NXPE2: variants seen among roughly 807,000 people sequenced by gnomAD.
The protein encoded by NXPE2 is NXPE family member 2.
A neutral mutation model predicts 34.4 loss-of-function variants in NXPE2; 34 were observed. The observed-to-expected ratio is 0.99, with a 90% CI of 0.75 to 1.31. NXPE2 has a LOEUF of 1.31. Among genes scored for constraint, NXPE2 ranks in the 40% most tolerant of loss-of-function variants. NXPE2 has a pLI of 0.00. For synonymous variants in NXPE2, 235 were observed against 231.3 expected (o/e 1.02, Z -0.15); for missense variants, 649 against 672.5 (o/e 0.97, Z 0.39).
the NXPE2 span, among the ~76,000 whole-genome samples, chr11:114,743,911 T>A: frequency 1.3e-5 from 2 of 149,634 alleles, no homozygotes; most frequent in Non-Finnish European, 3.0e-5. Context: ...ATATGTATAT[T>A]TACACATATA....
intron 2 of NXPE2, among the ~76,000 whole-genome samples, chr11:114,684,229 C>A (rs1028059799): frequency 1.3e-5 from 2 of 151,960 alleles, no homozygotes; most frequent in Admixed American, 6.6e-5. Context: ...AGATCGAGAC[C>A]ATCCTGGCTA....
the NXPE2 span, among the ~76,000 whole-genome samples, chr11:114,547,627 C>T: frequency 6.6e-5 from 10 of 151,870 alleles, no homozygotes; most frequent in African/African-American, 1.9e-4. Context: ...CCCAGCTACT[C>T]GGGAGGCTGA....
At chr11:114,464,277 A>AAATTTTTT in the NXPE2 span, among the ~76,000 whole-genome samples, 1 of 152,068 alleles carries the variant, frequency 6.6e-6, no homozygotes. Context: ...TATGCTTGAC[A>AAATTTTTT]AATTTTTTAA....
downstream of NXPE2, among the ~76,000 whole-genome samples, chr11:114,709,481 C>A (rs906188552): frequency 1.3e-5 from 2 of 152,120 alleles, no homozygotes; most frequent in African/African-American, 4.8e-5. Context: ...CAGGTTATTG[C>A]AGATAATGAC....
chr11:114,561,353 A>G, the NXPE2 span, among the ~76,000 whole-genome samples: 1 of 152,212 alleles, frequency 6.6e-6, no homozygotes, highest in Non-Finnish European at 1.5e-5. Flanking sequence ...CGTAACGTCC[A>G]CGATGTCCAT....
At chr11:114,788,613 C>T in the NXPE2 span, among the ~76,000 whole-genome samples, 6 of 152,326 alleles carry the variant, frequency 3.9e-5, no homozygotes, top group African/African-American at 7.2e-5. Context: ...CACTGGTCCC[C>T]GGAAACTGCC....
At chr11:114,658,169 G>A in the NXPE2 span, among the ~76,000 whole-genome samples, 26 of 152,134 alleles carry the variant, frequency 1.7e-4, no homozygotes, top group Non-Finnish European at 3.2e-4. Context: ...AGAAATTGAG[G>A]TCACAGGCCA....
the NXPE2 span, among the ~76,000 whole-genome samples, chr11:114,756,959 T>C: frequency 6.6e-6 from 1 of 152,178 alleles, no homozygotes. Flanking sequence ...AATATGTCAC[T>C]GCAGGATTAG....
chr11:114,573,764 G>A, the NXPE2 span, among the ~76,000 whole-genome samples: 1 of 151,894 alleles, frequency 6.6e-6, no homozygotes, highest in Non-Finnish European at 1.5e-5. Context: ...ACAATAGTGG[G>A]GAACTTTAAC....
At chr11:114,695,192 T>C (rs1186321857) in intron 2 of NXPE2, among the ~76,000 whole-genome samples, 1 of 152,266 alleles carries the variant, frequency 6.6e-6, no homozygotes, top group East Asian at 1.9e-4. Flanking sequence ...TCCTTGGGTG[T>C]TTCTAGGGAC....
chr11:114,482,041 AG>A, the NXPE2 span, among the ~76,000 whole-genome samples: 4 of 151,368 alleles, frequency 2.6e-5, no homozygotes, highest in African/African-American at 7.3e-5. Context: ...TTTCAACTGA[AG>A]AATGAAAGAT....
chr11:114,534,441 CTT>C, the NXPE2 span, among the ~76,000 whole-genome samples: 1 of 152,188 alleles, frequency 6.6e-6, no homozygotes, highest in Non-Finnish European at 1.5e-5. Flanking sequence ...CGGAGAATGA[CTT>C]TGACGAGTTG....
upstream of NXPE2, among the ~76,000 whole-genome samples, chr11:114,675,618 T>A: frequency 6.6e-6 from 1 of 151,786 alleles, no homozygotes; most frequent in Non-Finnish European, 1.5e-5. Context: ...CTTCATAGAA[T>A]GATATCCTGT....
At chr11:114,628,286 A>C in the NXPE2 span, among the ~76,000 whole-genome samples, 3 of 151,160 alleles carry the variant, frequency 2.0e-5, no homozygotes, top group African/African-American at 2.4e-5. Context: ...CTCTCCTCAG[A>C]AAATGTAAAA....
At chr11:114,508,867 G>A in the NXPE2 span, among the ~76,000 whole-genome samples, 1 of 121,900 alleles carries the variant, frequency 8.2e-6, no homozygotes, top group Non-Finnish European at 1.6e-5. Flanking sequence ...GATTCCAAAA[G>A]CAATTGCAAC....
chr11:114,511,483 T>A, the NXPE2 span, among the ~76,000 whole-genome samples: 1 of 152,224 alleles, frequency 6.6e-6, no homozygotes, highest in Non-Finnish European at 1.5e-5. Context: ...GGGAGCTAGC[T>A]GCTGTCTCAG....
At chr11:114,627,722 G>A in the NXPE2 span, among the ~76,000 whole-genome samples, 4 of 152,072 alleles carry the variant, frequency 2.6e-5, no homozygotes, top group Non-Finnish European at 5.9e-5. Context: ...GACACAGATT[G>A]GCAAATTGGT....
At chr11:114,543,673 C>T in the NXPE2 span, among the ~76,000 whole-genome samples, 52 of 152,094 alleles carry the variant, frequency 3.4e-4, no homozygotes, top group African/African-American at 1.2e-3. Flanking sequence ...AATATTGGAA[C>T]CAGTCAAGAA....
chr11:114,550,309 C>T, the NXPE2 span, among the ~76,000 whole-genome samples: 1 of 151,948 alleles, frequency 6.6e-6, no homozygotes, highest in African/African-American at 2.4e-5. Flanking sequence ...GGGATTAGCT[C>T]TACTAGATAT....
Sources: gnomAD v4.1 joint callset for allele counts (sites outside exome capture counted in the v4.1 genomes callset) on GRCh38, gnomAD v4.1.1 for gene constraint, MANE v1.5 for transcripts, NCBI Gene and HGNC (gene_info 2026-07-23, HGNC 2026-07-21) for gene names.